DMD: variants seen among roughly 807,000 people sequenced by gnomAD.
DMD encodes dystrophin, also known as mutant dystrophin.
DMD carries 63 observed loss-of-function variants against 330.1 expected under a neutral mutation model. That is an observed-to-expected ratio of 0.19 (90% CI 0.16 to 0.24). DMD has a LOEUF of 0.24. Ranked by LOEUF, DMD falls within the 10% of genes least tolerant of loss-of-function variation. The probability of loss-of-function intolerance (pLI) is 1.00; values close to 1 mark genes in which losing one functional copy is unlikely to be tolerated. For synonymous variants in DMD, 1,223 were observed against 959.8 expected, an observed-to-expected ratio of 1.27 and a Z score of -5.07; for missense variants, 3,344 against 2,684.1, an observed-to-expected ratio of 1.25 and a Z score of -5.43.
intron 7 of DMD, among the ~76,000 whole-genome samples, chrX:32,742,963 G>A (rs148958390): frequency 9.0e-6 from 1 of 111,481 alleles, no homozygotes; most frequent in Non-Finnish European, 1.9e-5. Flanking sequence ...GCTAGTAAAT[G>A]GCAAAATGGA....
chrX:31,778,564 A>C (rs967174662), intron 50 of DMD, among the ~76,000 whole-genome samples: 2 of 67,873 alleles, frequency 2.9e-5, no homozygotes, highest in African/African-American at 1.2e-4. Flanking sequence ...GAAGTCCTGA[A>C]ATTTTTTTTT....
intron 76 of DMD, among the ~76,000 whole-genome samples, chrX:31,141,166 T>C (rs949890371): frequency 9.0e-6 from 1 of 110,817 alleles, no homozygotes; most frequent in Non-Finnish European, 1.9e-5. Context: ...CACTCCAGCC[T>C]GGGCAATAAA....
At chrX:32,729,168 A>C (rs184614356) in intron 7 of DMD, among the ~76,000 whole-genome samples, 17 of 112,280 alleles carry the variant, frequency 1.5e-4, no homozygotes, top group African/African-American at 5.5e-4. Context: ...ATCATTTTTA[A>C]GGGAAATCCT....
intron 7 of DMD, among the ~76,000 whole-genome samples, chrX:32,742,234 C>A (rs951707870): frequency 8.9e-6 from 1 of 112,056 alleles, no homozygotes; most frequent in African/African-American, 3.2e-5. Flanking sequence ...CACAATCCAA[C>A]TAATATGTCT....
rs948412854 is a variant in DMD at position 32,849,646 on chromosome X, A to G, written c.186+82T>C. ...AATCAGTACCTAGTCATTCTACTAG[A>G]TGTCATAAAACTATGTTGTCAGTTT... On this transcript the variant is annotated intron_variant, in intron 3 of 78. Transcript: ENST00000357033. The G allele has an allele frequency of 1.1e-5, 8 of 717,764 alleles. No homozygotes were observed. In the Admixed American group the frequency reaches 1.4e-4, roughly 13 times the overall value. 59.2% of individuals were successfully genotyped at this position (717,764 alleles called of 1,213,427 possible). A position where few individuals can be genotyped will look rare whatever the true frequency, so the allele number is the denominator to read the frequency against.
intron 64 of DMD, among the ~76,000 whole-genome samples, chrX:31,221,622 A>C (rs1207036299): frequency 8.8e-6 from 1 of 113,157 alleles, no homozygotes; most frequent in East Asian, 2.8e-4. Flanking sequence ...ATGGTCTTGG[A>C]AATAGAGACA....
intron 52 of DMD, among the ~76,000 whole-genome samples, chrX:31,715,302 T>G (rs946843691): frequency 9.3e-6 from 1 of 107,915 alleles, no homozygotes; most frequent in African/African-American, 3.4e-5. Flanking sequence ...CCCAGCACTT[T>G]GGGAGGCCGA....
chrX:32,259,036 A>G (rs2097311061), intron 43 of DMD, among the ~76,000 whole-genome samples: 1 of 111,180 alleles, frequency 9.0e-6, no homozygotes, highest in Non-Finnish European at 1.9e-5. Flanking sequence ...TTAAATGAAT[A>G]TAGACAGGAG....
intron 55 of DMD, among the ~76,000 whole-genome samples, chrX:31,558,418 G>A (rs1306317769): frequency 3.6e-5 from 4 of 110,869 alleles, no homozygotes; most frequent in Admixed American, 9.7e-5. Context: ...TTACAATGGC[G>A]GATTCTGATT....
chrX:31,203,125 T>C (rs1165526014), intron 67 of DMD, among the ~76,000 whole-genome samples: 1 of 107,320 alleles, frequency 9.3e-6, no homozygotes, highest in Non-Finnish European at 1.9e-5. Flanking sequence ...CTACTAAAAA[T>C]ACAAAAATTA....
At chrX:32,294,041 A>C (rs1166012471) in intron 42 of DMD, among the ~76,000 whole-genome samples, 1 of 111,859 alleles carries the variant, frequency 8.9e-6, no homozygotes, top group Non-Finnish European at 1.9e-5. Flanking sequence ...CAGGTACCAG[A>C]AACGTGCACC....
chrX:32,515,719 G>A (rs996276611), intron 18 of DMD, among the ~76,000 whole-genome samples: 2 of 111,229 alleles, frequency 1.8e-5, no homozygotes, highest in East Asian at 5.6e-4. Context: ...ATTGATTCTC[G>A]AGCCTTTATG....
At chrX:32,732,984 C>A (rs1283606772) in intron 7 of DMD, among the ~76,000 whole-genome samples, 2 of 111,067 alleles carry the variant, frequency 1.8e-5, no homozygotes, top group East Asian at 5.7e-4. Flanking sequence ...GATAAAGAGT[C>A]AAGACCCATC....
intron 55 of DMD, among the ~76,000 whole-genome samples, chrX:31,600,515 T>G (rs2077298460): frequency 2.0e-5 from 2 of 99,265 alleles, no homozygotes; most frequent in South Asian, 5.0e-4. Flanking sequence ...CTATGGTTTT[T>G]TTTTTTTTTT....
At chrX:31,944,091 T>A (rs2095049439) in intron 45 of DMD, among the ~76,000 whole-genome samples, 1 of 112,180 alleles carries the variant, frequency 8.9e-6, no homozygotes, top group Non-Finnish European at 1.9e-5. Flanking sequence ...AAAATAGTTA[T>A]ATTCCCTGAA....
At chrX:32,951,408 T>C (rs965356969) in intron 2 of DMD, among the ~76,000 whole-genome samples, 3 of 112,294 alleles carry the variant, frequency 2.7e-5, no homozygotes, top group Non-Finnish European at 5.6e-5. Context: ...TGTGCTGGAA[T>C]GTCCCTCTAC....
chrX:31,132,698 C>T (rs1257431273), intron 77 of DMD, among the ~76,000 whole-genome samples: 1 of 111,096 alleles, frequency 9.0e-6, no homozygotes, highest in Non-Finnish European at 1.9e-5. Context: ...ATCCCTACTA[C>T]CTCCACTGGT....
chrX:31,344,394 T>C (rs935411647), intron 61 of DMD, among the ~76,000 whole-genome samples: 1 of 111,767 alleles, frequency 8.9e-6, no homozygotes. Flanking sequence ...AGAATTGTGT[T>C]GGTAAATTTG....
chrX:32,453,205 G>C lies in DMD; in HGVS notation c.3603+1457C>G, dbSNP rs184367151. ...CTCCTCACCACACGCTAGAACACTAGAATGTAAATTCCAAGGCAGTGGTCT... is the reference window on the plus strand; with the variant it reads ...CTCCTCACCACACGCTAGAACACTACAATGTAAATTCCAAGGCAGTGGTCT... On this transcript the variant is annotated intron_variant, in intron 26 of 78. Transcript: ENST00000357033. 1.5e-4 allele frequency among the ~76,000 whole-genome samples: 17 copies of C among 110,747 alleles called. No individual in the cohort carries two copies. In the East Asian group the frequency reaches 4.3e-3, roughly 28 times the overall value.
Sources: allele counts gnomAD v4.1 joint callset (sites outside exome capture counted in the v4.1 genomes callset), GRCh38; gene constraint gnomAD v4.1.1; transcripts MANE v1.5; gene names NCBI Gene and HGNC (gene_info 2026-07-23, HGNC 2026-07-21).